Variants in LCN1 observed in about 807,000 individuals in gnomAD.
LCN1 encodes lipocalin-1.
Under a neutral mutation model 22.3 loss-of-function variants are expected in LCN1, and 25 were observed. That is an observed-to-expected ratio of 1.12 (90% CI 0.82 to 1.56). The LOEUF (loss-of-function observed/expected upper bound fraction) is 1.56, where lower values mean the gene tolerates loss of function less well. Among genes scored for constraint, LCN1 ranks in the 40% most tolerant of loss-of-function variants. The pLI is 0.00. For missense variants in LCN1, 219 were observed against 235.6 expected (o/e 0.93, Z 0.46); for synonymous variants, 85 against 97.6 (o/e 0.87, Z 0.76).
chr9:135,523,330 T>C (rs924080702), intron 3 of LCN1, 28 bp downstream of exon 3: 11 of 1,603,508 alleles, frequency 6.9e-6, no homozygotes, highest in Admixed American at 1.7e-5. Flanking sequence ...AGCCAGAGCC[T>C]GAGCTTGAAC....
chr9:135,521,707 C>T (rs1223588995), intron 1 of LCN1, 120 bp downstream of exon 1: 1 of 786,724 alleles, frequency 1.3e-6, no homozygotes, highest in East Asian at 3.7e-5. Flanking sequence ...CATTCAAGCC[C>T]TGCCCTGAGG....
intron 4 of LCN1, among the ~76,000 whole-genome samples, chr9:135,524,403 C>T (rs1831577497): frequency 6.6e-6 from 1 of 152,152 alleles, no homozygotes; most frequent in Admixed American, 6.5e-5. Context: ...GAATTCCGGA[C>T]GCGGTGCCTC....
At chr9:135,521,985 C>G (rs1185195416) in intron 1 of LCN1, 62 bp from the exon 2 acceptor site, 1 of 1,568,132 alleles carries the variant, frequency 6.4e-7, no homozygotes, top group Non-Finnish European at 8.6e-7. Flanking sequence ...GGGCTGCAGG[C>G]CAGGGAAGGG....
chr9:135,523,873 T>G lies in LCN1; in HGVS notation c.293-7T>G, dbSNP rs1564229730. 1 of 1,612,980 alleles carries G rather than the reference T, an allele frequency of 6.2e-7. No homozygotes were observed. On this transcript the variant is annotated splice_region_variant and splice_polypyrimidine_tract_variant and intron_variant, in intron 3 of 6. Transcript: ENST00000371781. ...TAATTCAGGAATGTGCTGCTGTCTT[T>G]CTGCAGACGGGGGCAAGCACGTGGC...
At chr9:135,524,976 G>T in intron 5 of LCN1, 45 bp downstream of exon 5, 3 of 1,574,448 alleles carry the variant, frequency 1.9e-6, no homozygotes, top group Non-Finnish European at 2.6e-6. Context: ...CCCGCGTGGG[G>T]ACATCAGCAG....
intron 6 of LCN1, 74 bp downstream of exon 6, chr9:135,525,232 G>T: frequency 6.8e-7 from 1 of 1,474,646 alleles, no homozygotes; most frequent in Non-Finnish European, 9.4e-7. Flanking sequence ...GAGGCCATGG[G>T]GTCTCTCCCA....
chr9:135,522,556 T>C (rs993616849), intron 2 of LCN1, among the ~76,000 whole-genome samples: 1 of 152,196 alleles, frequency 6.6e-6, no homozygotes, highest in Non-Finnish European at 1.5e-5. Flanking sequence ...GCTTGCAGAA[T>C]GACCAAGAGG....
chr9:135,525,275 C>G (rs1831605397), intron 6 of LCN1, 117 bp downstream of exon 6: 1 of 1,001,002 alleles, frequency 1.0e-6, no homozygotes, highest in Non-Finnish European at 1.5e-6. Context: ...GGGAGATGCC[C>G]CACGTAGGTC....
rs557613631 is a variant in LCN1 at position 135,521,847 on chromosome 9, G to A, written c.91-200G>A. ...TTCCCTGGGGATGAGGGCTCCTGTGGTCCTGGCTGGCTTGTGGGGGCTGGA... is the reference window on the plus strand; with the variant it reads ...TTCCCTGGGGATGAGGGCTCCTGTGATCCTGGCTGGCTTGTGGGGGCTGGA... On this transcript the variant is annotated intron_variant, in intron 1 of 6. Coordinates refer to ENST00000371781, the MANE Select transcript of LCN1 (RefSeq NM_002297.4). Among the ~76,000 whole-genome samples, 5 of 152,232 alleles carry A rather than the reference G, an allele frequency of 3.3e-5. No homozygotes were observed. The South Asian group carries it at 1.0e-3, about 32-fold the overall frequency.
intron 6 of LCN1, among the ~76,000 whole-genome samples, 153 bp from the exon 7 acceptor site, chr9:135,526,191 C>G (rs1460486882): frequency 7.4e-6 from 1 of 134,456 alleles, no homozygotes; most frequent in East Asian, 2.3e-4. Context: ...CATCACAGCC[C>G]CCAAGAGTGC....
At position 135,523,904 on chromosome 9, in the gene LCN1, T is replaced by G; in HGVS notation, c.317T>G (p.Ile106Ser). The G allele has an allele frequency of 6.2e-7, 1 of 1,614,044 alleles. No homozygotes were observed. Among genetic ancestry groups the G allele is most frequent in the Non-Finnish European group, 8.5e-7 (1 of 1,179,960 alleles). The change falls in exon 4 of 7, where the codon ATC (isoleucine) becomes AGC (serine). Residue 106 changes from isoleucine (I) to serine (S), a missense_variant. Transcript: ENST00000371781. ...TADGGKHVAY[I>S]IRSHVKDHYI... ...GACGGGGGCAAGCACGTGGCATACATCATCAGGTCGCACGTGAAGGACCAC... is the reference window on the plus strand; with the variant it reads ...GACGGGGGCAAGCACGTGGCATACAGCATCAGGTCGCACGTGAAGGACCAC...
chr9:135,526,329 T>A lies in LCN1; in HGVS notation c.*2-15T>A. On this transcript the variant is annotated splice_polypyrimidine_tract_variant and intron_variant, in intron 6 of 6. Coordinates refer to ENST00000371781, the MANE Select transcript of LCN1 (RefSeq NM_002297.4). ...CTTGCTGTCCTGGCCTCACTCACCCTCCCCCCCTTTCCAGGGCAGGGGACA... is the reference window on the plus strand; with the variant it reads ...CTTGCTGTCCTGGCCTCACTCACCCACCCCCCCTTTCCAGGGCAGGGGACA... 1.1e-5 allele frequency: 10 copies of A among 932,548 alleles called. No homozygotes were observed. The highest frequency in any genetic ancestry group is 1.3e-5 in the Non-Finnish European group (10 of 778,164). The allele number at this position is 932,548 out of a possible 1,614,324, so 57.8% of individuals were successfully genotyped here.
chr9:135,524,531 C>T (rs1831581099), intron 4 of LCN1, among the ~76,000 whole-genome samples: 1 of 152,164 alleles, frequency 6.6e-6, no homozygotes, highest in East Asian at 1.9e-4. Flanking sequence ...CCTGGTGCCC[C>T]CAAGGGGAGA....
intron 2 of LCN1, among the ~76,000 whole-genome samples, chr9:135,522,440 A>C (rs991786356): frequency 6.6e-6 from 1 of 152,242 alleles, no homozygotes; most frequent in Non-Finnish European, 1.5e-5. Flanking sequence ...CGACTAGGGA[A>C]TGTCTGGTGA....
intron 2 of LCN1, among the ~76,000 whole-genome samples, chr9:135,523,019 C>T (rs1222107033): frequency 7.2e-5 from 11 of 152,166 alleles, no homozygotes; most frequent in Non-Finnish European, 1.3e-4. Flanking sequence ...AGGAGCGGTG[C>T]AGAGCTCCTG....
rs944896231 is a variant in LCN1, at chr9:135,526,499, C to A, written c.*157C>A. 1.3e-5 allele frequency: 17 copies of A among 1,272,332 alleles called. No homozygotes were observed. Among genetic ancestry groups the A allele is most frequent in the Non-Finnish European group, 1.6e-5 (16 of 979,298 alleles). The allele number at this position is 1,272,332 out of a possible 1,614,324, so 78.8% of individuals were successfully genotyped here. A position where few individuals can be genotyped will look rare whatever the true frequency, so the allele number is the denominator to read the frequency against. On this transcript the variant is annotated 3_prime_UTR_variant, in exon 7 of 7. Transcript: ENST00000371781. The stretch of plus-strand genomic sequence containing the variant: ...CCGCCTTCCCCCTGCCCTGCGCCCC[C>A]TCTCCTGGTTCTCCATAAAGAGCTT...
At chr9:135,521,939 C>T (rs1831505919) in intron 1 of LCN1, 108 bp from the exon 2 acceptor site, 1 of 1,490,028 alleles carries the variant, frequency 6.7e-7, no homozygotes. Context: ...GGGGAACGTT[C>T]CCCGTTTCCA....
rs1475958734 is a variant in LCN1 at position 135,522,083 on chromosome 9, G to C, written c.127G>C (p.Asp43His). 1 of 1,593,748 alleles carries C rather than the reference G, an allele frequency of 6.3e-7. No homozygotes were observed. The highest frequency in any genetic ancestry group is 1.8e-5 in the Admixed American group (1 of 56,694). Residue 43 changes from aspartate (D) to histidine (H), a missense_variant, in exon 2 of 7, where the codon GAC becomes CAC. Coordinates refer to ENST00000371781, the MANE Select transcript of LCN1 (RefSeq NM_002297.4). ...GTGGTATCTGAAGGCCATGACGGTG[G>C]ACAGGGAGTTCCCTGAGATGAATCT... ...GTWYLKAMTVDREFPEMNLES... is the reference protein window; with the variant it reads ...GTWYLKAMTVHREFPEMNLES...
intron 2 of LCN1, 83 bp downstream of exon 2, chr9:135,522,260 G>A (rs1831519940): frequency 6.7e-7 from 1 of 1,499,428 alleles, no homozygotes; most frequent in Admixed American, 2.1e-5. Context: ...TCTGGTGCTG[G>A]GGAGGTGGGC....
Sources: gnomAD v4.1 joint callset for allele counts (sites outside exome capture counted in the v4.1 genomes callset) on GRCh38, gnomAD v4.1.1 for gene constraint, MANE v1.5 for transcripts, NCBI Gene and HGNC (gene_info 2026-07-23, HGNC 2026-07-21) for gene names.